FER: variants seen among roughly 807,000 people sequenced by gnomAD.
FER encodes the protein tyrosine-protein kinase Fer.
FER carries 63 observed loss-of-function variants against 111.0 expected under a neutral mutation model. The ratio of observed to expected loss-of-function variants is 0.57; its 90% CI spans 0.46 to 0.70. The LOEUF is 0.70. FER is among the 30% of genes least tolerant of loss of function. FER has a pLI of 0.00. For missense variants in FER, 914 were observed against 954.0 expected (o/e 0.96, Z 0.55); for synonymous variants, 327 against 313.9 (o/e 1.04, Z -0.44).
chr5:109,024,780 T>C (rs1393448297), intron 13 of FER, among the ~76,000 whole-genome samples: 1 of 152,184 alleles, frequency 6.6e-6, no homozygotes, highest in Non-Finnish European at 1.5e-5. Flanking sequence ...TTAATCCATC[T>C]TGAATTGATT....
chr5:109,153,859 T>C (rs1382145621), intron 17 of FER, among the ~76,000 whole-genome samples: 1 of 151,844 alleles, frequency 6.6e-6, no homozygotes, highest in African/African-American at 2.4e-5. Context: ...TCACTTCAGT[T>C]ATCAGAGCCT....
chr5:108,812,489 G>A (rs1757867134), intron 3 of FER, among the ~76,000 whole-genome samples: 3 of 152,190 alleles, frequency 2.0e-5, no homozygotes, highest in Admixed American at 2.0e-4. Context: ...ATATAGTTGA[G>A]TCTTGCTTGG....
intron 13 of FER, among the ~76,000 whole-genome samples, chr5:108,994,473 C>A (rs1313714429): frequency 2.6e-5 from 4 of 152,122 alleles, no homozygotes; most frequent in Non-Finnish European, 5.9e-5. Context: ...GTCTTTGTGT[C>A]TGTTTCTGTA....
intron 16 of FER, among the ~76,000 whole-genome samples, chr5:109,078,198 T>A (rs1394478538): frequency 6.6e-6 from 1 of 152,118 alleles, no homozygotes. Context: ...ACTAGTGACA[T>A]CCCTCTATAC....
At chr5:108,944,781 C>CTTAGGGTCTCA (rs1756749465) in intron 10 of FER, among the ~76,000 whole-genome samples, 1 of 151,742 alleles carries the variant, frequency 6.6e-6, no homozygotes, top group African/African-American at 2.4e-5. Context: ...CTATATGAAA[C>CTTAGGGTCTCA]TTAAGGTCTC....
intron 2 of FER, among the ~76,000 whole-genome samples, chr5:108,774,115 A>T (rs1258095429): frequency 6.7e-6 from 1 of 148,214 alleles, no homozygotes; most frequent in Admixed American, 6.8e-5. Context: ...ATGTGTTCTG[A>T]TTGTTCACCT....
chr5:108,926,070 C>T (rs1255956513), intron 10 of FER, among the ~76,000 whole-genome samples: 1 of 150,204 alleles, frequency 6.7e-6, no homozygotes, highest in African/African-American at 2.4e-5. Context: ...TAATATTTTT[C>T]TTTTTTTTTA....
At chr5:108,972,052 T>G (rs6893501) in intron 13 of FER, among the ~76,000 whole-genome samples, 39,253 of 151,762 alleles carry the variant, frequency 0.26, 5,551 homozygotes, top group African/African-American at 0.38. Context: ...TTAATGGAGG[T>G]TCACCATCTT....
At chr5:108,751,761 C>T (rs550245146) in intron 1 of FER, among the ~76,000 whole-genome samples, 21 of 152,192 alleles carry the variant, frequency 1.4e-4, no homozygotes, top group African/African-American at 3.9e-4. Context: ...TAGGACTCAA[C>T]GATCTTGGGT....
intron 5 of FER, among the ~76,000 whole-genome samples, chr5:108,845,024 A>ACG (rs1761817518): frequency 5.8e-5 from 3 of 52,142 alleles, no homozygotes; most frequent in Non-Finnish European, 1.1e-4. Context: ...ATATATATAT[A>ACG]TATATATATA....
intron 16 of FER, among the ~76,000 whole-genome samples, chr5:109,057,586 A>C (rs1347166501): frequency 6.6e-6 from 1 of 152,214 alleles, no homozygotes; most frequent in Non-Finnish European, 1.5e-5. Flanking sequence ...TCCTGGCACA[A>C]GCAGTCCTCC....
At chr5:109,174,018 G>A (rs1757427230) in intron 17 of FER, among the ~76,000 whole-genome samples, 1 of 152,138 alleles carries the variant, frequency 6.6e-6, no homozygotes, top group Non-Finnish European at 1.5e-5. Context: ...CTGTGGCACT[G>A]GAACAGTTCT....
chr5:108,937,955 CT>C (rs1755712239), intron 10 of FER, among the ~76,000 whole-genome samples: 2 of 151,190 alleles, frequency 1.3e-5, no homozygotes, highest in African/African-American at 4.8e-5. Flanking sequence ...GAGGTTCATC[CT>C]TCTCTTTCTT....
At chr5:108,803,851 T>G (rs1451558938) in intron 3 of FER, among the ~76,000 whole-genome samples, 1 of 152,150 alleles carries the variant, frequency 6.6e-6, no homozygotes, top group African/African-American at 2.4e-5. Flanking sequence ...TTTATTATAG[T>G]TTTTTCCCAG....
chr5:108,802,612 GT>G (rs1035405515), intron 3 of FER, among the ~76,000 whole-genome samples: 7 of 150,284 alleles, frequency 4.7e-5, no homozygotes, highest in African/African-American at 1.2e-4. Context: ...TGGAGTATTT[GT>G]TTTTTTTTGT....
At chr5:109,072,140 T>C (rs1449906073) in intron 16 of FER, among the ~76,000 whole-genome samples, 1 of 151,804 alleles carries the variant, frequency 6.6e-6, no homozygotes, top group Non-Finnish European at 1.5e-5. Context: ...ACTAGATCTT[T>C]TAAGAAAATT....
chr5:108,787,866 G>A (rs748664447), intron 2 of FER, among the ~76,000 whole-genome samples: 21 of 152,160 alleles, frequency 1.4e-4, no homozygotes, highest in Non-Finnish European at 2.6e-4. Context: ...CCATTCTGTC[G>A]CTCAGTGAAG....
At chr5:108,899,857 A>C (rs959364188) in intron 10 of FER, among the ~76,000 whole-genome samples, 3 of 152,082 alleles carry the variant, frequency 2.0e-5, no homozygotes, top group Non-Finnish European at 4.4e-5. Flanking sequence ...ATAATCATTG[A>C]AGAAAAGTTT....
chr5:108,959,337 C>T lies in FER; in HGVS notation c.1646C>T (p.Pro549Leu), dbSNP rs1561679925. The change falls in exon 13 of 20, where the codon CCT becomes CTT. Residue 549 changes from proline (P) to leucine (L), a missense_variant. Transcript: ENST00000281092. The part of the protein sequence containing the change: ...TKKSGVVLLN[P>L]IPKDKKWILS... ...AAATCAGGTGTAGTTCTGCTGAATC[C>T]TATTCCTAAGGTAGGTGCTTATATA... is the stretch of plus-strand genomic sequence containing the variant. The T allele has an allele frequency of 6.2e-7, 1 of 1,609,728 alleles. No individual in the cohort carries two copies.
Sources: allele counts gnomAD v4.1 joint callset (sites outside exome capture counted in the v4.1 genomes callset), GRCh38; gene constraint gnomAD v4.1.1; transcripts MANE v1.5; gene names NCBI Gene and HGNC (gene_info 2026-07-23, HGNC 2026-07-21).